Variants in CSNK2A2 observed in about 807,000 individuals in gnomAD.
CSNK2A2 encodes the protein casein kinase 2 alpha 2.
Under a neutral mutation model 54.0 loss-of-function variants are expected in CSNK2A2, and 8 were observed. That is an observed-to-expected ratio of 0.15 (90% CI 0.09 to 0.27). The LOEUF (loss-of-function observed/expected upper bound fraction) is 0.27. Among genes scored for constraint, CSNK2A2 ranks in the 10% least tolerant of loss-of-function variants. CSNK2A2 has a pLI of 1.00. For synonymous variants in CSNK2A2, 141 were observed against 153.9 expected (o/e 0.92, Z 0.62); for missense variants, 242 against 439.4 (o/e 0.55, Z 4.02).
At chr16:58,195,023 C>T (rs1267485506) in intron 2 of CSNK2A2, among the ~76,000 whole-genome samples, 2 of 151,966 alleles carry the variant, frequency 1.3e-5, no homozygotes, top group Non-Finnish European at 2.9e-5. Context: ...TTAGAGTCAG[C>T]AATTCATTCT....
chr16:58,189,206 T>A (rs1962266814), intron 2 of CSNK2A2, among the ~76,000 whole-genome samples: 1 of 152,178 alleles, frequency 6.6e-6, no homozygotes, highest in South Asian at 2.1e-4. Flanking sequence ...TCCGCCTGCC[T>A]CAGCCTCCCA....
chr16:58,160,079 A>G (rs1365228582), intron 11 of CSNK2A2: 2 of 152,220 alleles, frequency 1.3e-5, no homozygotes, highest in African/African-American at 4.8e-5. Context: ...ATACATCCAC[A>G]TAGCTCAGAA....
At position 58,182,949 on chromosome 16, in the gene CSNK2A2, CAT is replaced by C. The variant is rs140515774; in HGVS notation, c.369+1309_369+1310del. On this transcript the variant is annotated intron_variant, in intron 4 of 11. Transcript: ENST00000262506. ...GTCACATTAACAAGAAAATCTGTCA[CAT>C]GTGGGAAAGTGCTATACTACACATA... Among the ~76,000 whole-genome samples, 443 of 152,336 alleles carry C rather than the reference CAT, an allele frequency of 2.9e-3. 1 individual carries two copies. Among genetic ancestry groups the C allele is most frequent in the African/African-American group, 9.5e-3 (396 of 41,566 alleles).
At position 58,168,823 on chromosome 16, in the gene CSNK2A2, GA is replaced by G. The variant is rs1402118526; in HGVS notation, c.430-131del. 7.4e-6 allele frequency: 5 copies of G among 671,998 alleles called. No individual in the cohort carries two copies. The Admixed American group carries it at 1.2e-4, about 16-fold the overall frequency. The allele number at this position is 671,998 out of a possible 1,614,324, so 41.6% of individuals were successfully genotyped here. On this transcript the variant is annotated intron_variant, in intron 5 of 11. Transcript: ENST00000262506. ...CAACGGGCAGCTTGCTGCCTGTAATGAAAGAGAAAAAAAGCGTGCTTCAGAA... is the reference window on the plus strand; with the variant it reads ...CAACGGGCAGCTTGCTGCCTGTAATGAAGAGAAAAAAAGCGTGCTTCAGAA...
chr16:58,168,162 C>T (rs1961622301), intron 6 of CSNK2A2, among the ~76,000 whole-genome samples: 1 of 152,100 alleles, frequency 6.6e-6, no homozygotes, highest in Non-Finnish European at 1.5e-5. Flanking sequence ...TGGGGACACA[C>T]ATCCCACTCC....
rs781449122 is a variant in CSNK2A2 at position 58,167,354 on chromosome 16, A to AT, written c.625-47dup. 5.1e-5 allele frequency: 73 copies of AT among 1,425,978 alleles called. No individual in the cohort carries two copies. In the African/African-American group the frequency reaches 8.7e-4, roughly 17 times the overall value. 88.3% of individuals were successfully genotyped at this position (1,425,978 alleles called of 1,614,324 possible). On this transcript the variant is annotated intron_variant, in intron 7 of 11. Coordinates refer to ENST00000262506, the MANE Select transcript of CSNK2A2 (RefSeq NM_001896.4). ...CATTAGCCAAGGGTATTAGAAATCC[A>AT]TTTTTCTGATATAAATTTCTTTTTT...
chr16:58,195,084 T>C (rs1962400967), intron 2 of CSNK2A2, among the ~76,000 whole-genome samples: 3 of 152,192 alleles, frequency 2.0e-5, no homozygotes, highest in Admixed American at 6.5e-5. Context: ...AATTTACGTT[T>C]TGCTTATTTC....
At chr16:58,192,541 C>T (rs759653306) in intron 2 of CSNK2A2, 2 of 152,060 alleles carry the variant, frequency 1.3e-5, no homozygotes, top group East Asian at 3.9e-4. Flanking sequence ...GCTGTGGATA[C>T]TAATCATAGA....
chr16:58,189,956 A>T (rs1962286484), intron 2 of CSNK2A2, among the ~76,000 whole-genome samples: 1 of 152,178 alleles, frequency 6.6e-6, no homozygotes, highest in African/African-American at 2.4e-5. Flanking sequence ...AAAAGTTAGG[A>T]TTTATGAGGG....
chr16:58,164,195 G>A (rs1415033513), intron 10 of CSNK2A2, 48 bp from the exon 11 acceptor site: 19 of 1,575,158 alleles, frequency 1.2e-5, no homozygotes, highest in East Asian at 2.2e-5. Context: ...GGTGAGTGCT[G>A]AGAGAAGCCC....
chr16:58,172,051 A>G (rs1961761398), intron 5 of CSNK2A2, among the ~76,000 whole-genome samples: 1 of 141,032 alleles, frequency 7.1e-6, no homozygotes, highest in Non-Finnish European at 1.5e-5. Context: ...TGAACTCCTG[A>G]GCTCAAGCAA....
chr16:58,176,102 C>CT (rs1298335031), intron 4 of CSNK2A2, among the ~76,000 whole-genome samples: 1 of 152,204 alleles, frequency 6.6e-6, no homozygotes, highest in African/African-American at 2.4e-5. Context: ...AAAGCAGCTC[C>CT]TCCTCTGTGA....
chr16:58,185,194 T>G (rs567177347), intron 3 of CSNK2A2, among the ~76,000 whole-genome samples: 1 of 150,458 alleles, frequency 6.6e-6, no homozygotes, highest in Non-Finnish European at 1.5e-5. Context: ...AAGAACCATG[T>G]GAAAGTTACC....
Position 58,165,856 on chromosome 16 carries a change from A to G in CSNK2A2, c.828-148T>C, listed in dbSNP as rs1961547645. 5 of 754,238 alleles carry G rather than the reference A, an allele frequency of 6.6e-6. 1 individual carries two copies. The South Asian group carries it at 1.1e-4, about 17-fold the overall frequency. 46.7% of individuals were successfully genotyped at this position (754,238 alleles called of 1,614,324 possible). A position where few individuals can be genotyped will look rare whatever the true frequency, so the allele number is the denominator to read the frequency against. On this transcript the variant is annotated intron_variant, in intron 9 of 11. Transcript: ENST00000262506. ...ACTGGTGCCTGCCCTACGGCCCCAT[A>G]GTTACAGCATAGCATCCTGAAACAC...
intron 11 of CSNK2A2, chr16:58,161,115 G>A (rs1280994805): frequency 6.6e-6 from 1 of 152,238 alleles, no homozygotes; most frequent in African/African-American, 2.4e-5. Flanking sequence ...CCAGGGGAGA[G>A]TGAACTGCCA....
intron 11 of CSNK2A2, chr16:58,160,684 T>C (rs1327798002): frequency 3.3e-5 from 5 of 152,224 alleles, no homozygotes; most frequent in African/African-American, 1.2e-4. Context: ...GAACATAAAC[T>C]TGGTACCCTC....
At chr16:58,180,398 A>C (rs1408569065) in intron 4 of CSNK2A2, among the ~76,000 whole-genome samples, 2 of 151,478 alleles carry the variant, frequency 1.3e-5, no homozygotes, top group East Asian at 3.9e-4. Flanking sequence ...TGACCAGTCA[A>C]CAATATAGTT....
intron 5 of CSNK2A2, among the ~76,000 whole-genome samples, chr16:58,171,192 G>C (rs750129498): frequency 1.3e-5 from 2 of 152,060 alleles, no homozygotes; most frequent in Non-Finnish European, 2.9e-5. Flanking sequence ...AAGCTCCCTC[G>C]ATCTGTGCTT....
chr16:58,174,601 C>T (rs1032975959), intron 4 of CSNK2A2, 91 bp from the exon 5 acceptor site: 2 of 906,464 alleles, frequency 2.2e-6, no homozygotes, highest in African/African-American at 1.7e-5. Flanking sequence ...TTATTTGATA[C>T]TTAAGTGACT....
Sources: allele counts gnomAD v4.1 joint callset (sites outside exome capture counted in the v4.1 genomes callset), GRCh38; gene constraint gnomAD v4.1.1; transcripts MANE v1.5; gene names NCBI Gene and HGNC (gene_info 2026-07-23, HGNC 2026-07-21).